The following NPAS3 variants were observed in gnomAD, a reference collection of about 807,000 sequenced individuals.
NPAS3 encodes the protein neuronal PAS domain protein 3.
In NPAS3, 14 loss-of-function variants were observed where a neutral mutation model predicts 73.1. The observed-to-expected ratio is 0.19, with a 90% CI of 0.13 to 0.30. The LOEUF is 0.30. Ranked by LOEUF, NPAS3 falls within the 10% of genes least tolerant of loss-of-function variation. NPAS3 has a pLI of 1.00. For missense variants in NPAS3, 1,096 were observed against 1,250.0 expected (o/e 0.88, Z 1.86); for synonymous variants, 620 against 541.5 (o/e 1.14, Z -2.01).
intron 5 of NPAS3, among the ~76,000 whole-genome samples, chr14:33,589,344 CA>C (rs2056980958): frequency 6.6e-6 from 1 of 152,112 alleles, no homozygotes; most frequent in South Asian, 2.1e-4. Flanking sequence ...TGAGGAAGAA[CA>C]ATCAATATAA....
chr14:33,183,208 T>G, intron 2 of NPAS3, among the ~76,000 whole-genome samples: 1 of 152,006 alleles, frequency 6.6e-6, no homozygotes, highest in Admixed American at 6.5e-5. Flanking sequence ...GGCGGATCAC[T>G]TGAGGTCAGG....
chr14:33,611,625 T>G (rs575838854), intron 5 of NPAS3, among the ~76,000 whole-genome samples: 2 of 152,204 alleles, frequency 1.3e-5, no homozygotes, highest in African/African-American at 4.8e-5. Flanking sequence ...GCATGACTCA[T>G]TTTCCTTGAA....
At chr14:33,391,424 C>G (rs1467638010) in intron 4 of NPAS3, among the ~76,000 whole-genome samples, 8 of 152,062 alleles carry the variant, frequency 5.3e-5, no homozygotes, top group Admixed American at 5.2e-4. Context: ...AACTCCCTAC[C>G]TCAGGTGATC....
chr14:33,620,681 T>A (rs1476596142), intron 5 of NPAS3, among the ~76,000 whole-genome samples: 5 of 152,344 alleles, frequency 3.3e-5, no homozygotes, highest in Admixed American at 2.0e-4. Context: ...TAACATACAG[T>A]TATAATGCAC....
intron 3 of NPAS3, among the ~76,000 whole-genome samples, chr14:33,304,600 A>G (rs2042685324): frequency 6.6e-6 from 1 of 152,074 alleles, no homozygotes; most frequent in Non-Finnish European, 1.5e-5. Context: ...TTAGGGCTAC[A>G]TATGTGACAT....
rs752037990 is a variant in NPAS3 at position 33,688,273 on chromosome 14, G to A, written c.733+11888G>A. On this transcript the variant is annotated intron_variant, in intron 6 of 11. Transcript: ENST00000356141. Reference sequence around the variant, plus strand: ...GGCAAAGGAAAAAACTTGGTAGCACGTGTTCTCACTGGAAATTGACAATGA... The same window carrying A: ...GGCAAAGGAAAAAACTTGGTAGCACATGTTCTCACTGGAAATTGACAATGA... Among the ~76,000 whole-genome samples the A allele has an allele frequency of 6.6e-5, 10 of 152,184 alleles. 1 individual carries two copies. Among genetic ancestry groups the A allele is most frequent in the South Asian group, 4.1e-4 (2 of 4,832 alleles).
At chr14:33,428,103 C>G (rs1054825188) in intron 4 of NPAS3, among the ~76,000 whole-genome samples, 1 of 151,954 alleles carries the variant, frequency 6.6e-6, no homozygotes, top group African/African-American at 2.4e-5. Flanking sequence ...TGAGGCCTTC[C>G]AAAGAGGTTT....
At chr14:33,679,571 AATTTAGTTGGGAAAGGG>A (rs2059875323) in intron 6 of NPAS3, among the ~76,000 whole-genome samples, 1 of 152,220 alleles carries the variant, frequency 6.6e-6, no homozygotes, top group Non-Finnish European at 1.5e-5. Context: ...TAAACGGTGT[AATTTAGTTGGGAAAGGG>A]ATATTGATAT....
At chr14:33,749,692 G>A (rs2061903301) in intron 7 of NPAS3, among the ~76,000 whole-genome samples, 1 of 152,034 alleles carries the variant, frequency 6.6e-6, no homozygotes, top group Non-Finnish European at 1.5e-5. Context: ...TGATCTCTAG[G>A]ACAAAAAGGT....
chr14:33,780,526 A>C (rs189055156), intron 9 of NPAS3: 3 of 419,194 alleles, frequency 7.2e-6, no homozygotes, highest in African/African-American at 6.3e-5. Flanking sequence ...TTAAGGTCTA[A>C]ATTCAGAAAC....
At chr14:33,637,461 G>A (rs1471254921) in intron 5 of NPAS3, among the ~76,000 whole-genome samples, 1 of 152,120 alleles carries the variant, frequency 6.6e-6, no homozygotes, top group African/African-American at 2.4e-5. Context: ...GTGATCAGAA[G>A]AAACTTTTTC....
intron 4 of NPAS3, among the ~76,000 whole-genome samples, chr14:33,432,855 C>T (rs553519988): frequency 6.6e-6 from 1 of 152,112 alleles, no homozygotes. Context: ...ATGAGATAAT[C>T]GTACTAAATG....
chr14:33,361,503 G>A lies in NPAS3; in HGVS notation c.386-5683G>A, dbSNP rs1380727718. On this transcript the variant is annotated intron_variant, in intron 3 of 11. Coordinates refer to ENST00000356141, the Ensembl canonical transcript of NPAS3. Reference sequence around the variant, plus strand: ...ACACTTCTTTAAGAAAAGCAGACATGGTTTCTTTTTCCCAAAAGCAGTTCA... The same window carrying A: ...ACACTTCTTTAAGAAAAGCAGACATAGTTTCTTTTTCCCAAAAGCAGTTCA... Among the ~76,000 whole-genome samples, 6 of 152,054 alleles carry A rather than the reference G, an allele frequency of 3.9e-5. 1 individual carries two copies. In the South Asian group the frequency reaches 1.2e-3, roughly 32 times the overall value.
chr14:33,404,799 T>C (rs781476784), intron 4 of NPAS3, among the ~76,000 whole-genome samples: 1 of 152,116 alleles, frequency 6.6e-6, no homozygotes, highest in African/African-American at 2.4e-5. Context: ...ATGAAAATTG[T>C]ACAGTTTTCT....
chr14:33,674,911 G>C (rs2059715779), intron 5 of NPAS3, among the ~76,000 whole-genome samples: 1 of 152,164 alleles, frequency 6.6e-6, no homozygotes, highest in Admixed American at 6.5e-5. Context: ...CTGGGGACAA[G>C]AATTGCTCTG....
intron 4 of NPAS3, among the ~76,000 whole-genome samples, chr14:33,436,538 CTTGTTTCA>C (rs1318500706): frequency 6.6e-6 from 1 of 152,126 alleles, no homozygotes; most frequent in East Asian, 1.9e-4. Context: ...TTGTCTTTAT[CTTGTTTCA>C]TTGTGTCTAA....
intron 4 of NPAS3, among the ~76,000 whole-genome samples, chr14:33,368,461 T>G (rs1948724): frequency 0.16 from 24,423 of 152,020 alleles, 2,444 homozygotes; most frequent in East Asian, 0.36. Flanking sequence ...TCAGAGTTTA[T>G]AGGGTAAAGT....
At chr14:33,555,397 C>A (rs1195600217) in intron 4 of NPAS3, among the ~76,000 whole-genome samples, 1 of 151,648 alleles carries the variant, frequency 6.6e-6, no homozygotes, top group African/African-American at 2.4e-5. Flanking sequence ...TGTAATTAAC[C>A]CTTTGACCCC....
At chr14:33,619,902 G>A (rs2058031066) in intron 5 of NPAS3, among the ~76,000 whole-genome samples, 1 of 152,098 alleles carries the variant, frequency 6.6e-6, no homozygotes, top group Non-Finnish European at 1.5e-5. Flanking sequence ...GATTTATGAT[G>A]GTTTTGAAAA....
Sources: gnomAD v4.1 joint callset for allele counts (sites outside exome capture counted in the v4.1 genomes callset) on GRCh38, gnomAD v4.1.1 for gene constraint, MANE v1.5 for transcripts, NCBI Gene and HGNC (gene_info 2026-07-23, HGNC 2026-07-21) for gene names.